TTLL11: variants seen among roughly 807,000 people sequenced by gnomAD.
TTLL11 encodes tubulin tyrosine ligase like 11, also known as tubulin polyglutamylase TTLL11.
A neutral mutation model predicts 51.7 loss-of-function variants in TTLL11; 42 were observed. That is an observed-to-expected ratio of 0.81 (90% CI 0.64 to 1.05). The LOEUF (loss-of-function observed/expected upper bound fraction) is 1.05. Among genes scored for constraint, TTLL11 ranks in the 50% least tolerant of loss-of-function variants. The pLI is 0.00. For missense variants in TTLL11, 799 were observed against 940.4 expected (o/e 0.85, Z 1.97); for synonymous variants, 381 against 383.5 (o/e 0.99, Z 0.08).
At chr9:121,852,377 G>A (rs1212183548) in intron 8 of TTLL11, among the ~76,000 whole-genome samples, 2 of 152,126 alleles carry the variant, frequency 1.3e-5, no homozygotes, top group Non-Finnish European at 1.5e-5. Flanking sequence ...AGGGCTTCCC[G>A]AGGGAAGGTA....
In TTLL11 at chr9:121,819,481, C is replaced by G. The variant is rs1037818340; in HGVS notation, c.*3106G>C. On this transcript the variant is annotated 3_prime_UTR_variant, in exon 9 of 9. Transcript: ENST00000321582. ...CCCCCCAAACTGAGCACAGGCTGAG[C>G]TTGATCTTCTTACCCGTTCATTCCA... 6.6e-6 allele frequency: 1 copy of G among 152,646 alleles called. No individual in the cohort carries two copies. Among genetic ancestry groups the G allele is most frequent in the Non-Finnish European group, 1.5e-5 (1 of 68,408 alleles). 9.5% of individuals were successfully genotyped at this position (152,646 alleles called of 1,614,324 possible).
At chr9:122,000,829 C>A (rs1443472469) in intron 3 of TTLL11, among the ~76,000 whole-genome samples, 2 of 152,152 alleles carry the variant, frequency 1.3e-5, no homozygotes, top group Non-Finnish European at 2.9e-5. Flanking sequence ...GCCCTGAATT[C>A]TTTCTTGCAC....
In TTLL11 at chr9:122,092,812, T is replaced by C. The variant is rs2131953450; in HGVS notation, c.337A>G (p.Lys113Glu). Reference sequence around the variant, plus strand: ...CCGGAACCGTGGCCCGAGCTCCGCTTGCAGCTTCGGCCCTTGTCCCGGGGC... The same window carrying C: ...CCGGAACCGTGGCCCGAGCTCCGCTCGCAGCTTCGGCCCTTGTCCCGGGGC... Reference protein sequence around the residue: ...GKPRDKGRSCKRSSGHGSGEN... With the variant: ...GKPRDKGRSCERSSGHGSGEN... The change falls in exon 1 of 9, where the codon AAG becomes GAG. Residue 113 changes from lysine to glutamate, a missense_variant. Lys to Glu is a moderately conservative substitution (Grantham distance 56). Coordinates refer to ENST00000321582, the MANE Select transcript of TTLL11 (RefSeq NM_001139442.2). The C allele has an allele frequency of 1.3e-6, 2 of 1,549,998 alleles. No homozygotes were observed. Among genetic ancestry groups the C allele is most frequent in the East Asian group, 4.8e-5 (2 of 41,674 alleles).
intron 4 of TTLL11, chr9:121,988,809 G>A (rs772698393): frequency 3.4e-5 from 10 of 290,710 alleles, no homozygotes; most frequent in Non-Finnish European, 5.7e-5. Context: ...TGTCTCAATA[G>A]AACCCAGGAC....
At chr9:122,010,243 G>T (rs1843758480) in intron 3 of TTLL11, among the ~76,000 whole-genome samples, 1 of 152,150 alleles carries the variant, frequency 6.6e-6, no homozygotes, top group Non-Finnish European at 1.5e-5. Flanking sequence ...TGTATTAAGT[G>T]AAAATGAAAA....
chr9:121,865,557 C>T (rs995115562), intron 7 of TTLL11, among the ~76,000 whole-genome samples: 6 of 152,068 alleles, frequency 3.9e-5, no homozygotes, highest in Admixed American at 6.5e-5. Context: ...AATTTTCCTT[C>T]GTGAATTACA....
intron 6 of TTLL11, among the ~76,000 whole-genome samples, chr9:121,930,317 C>A (rs1350449690): frequency 6.6e-6 from 1 of 152,190 alleles, no homozygotes; most frequent in African/African-American, 2.4e-5. Context: ...AGAAAAAGGC[C>A]TTCAATTCTT....
rs918030374 is a variant in TTLL11, at chr9:121,958,958, C to T, written c.1481+15051G>A. Among the ~76,000 whole-genome samples the T allele has an allele frequency of 8.8e-4, 115 of 130,098 alleles. 1 individual carries two copies. The highest frequency in any genetic ancestry group is 1.5e-3 in the Non-Finnish European group (88 of 59,330). 85.3% of individuals were successfully genotyped at this position (130,098 alleles called of 152,430 possible). On this transcript the variant is annotated intron_variant, in intron 6 of 8. Transcript: ENST00000321582. ...AATAGTCCTTAATCACTCCTTCTGC[C>T]AGGCATGGGCACCACTTTACAAGGG...
Position 121,822,069 on chromosome 9 carries a change from T to C in TTLL11, c.*518A>G, listed in dbSNP as rs573080471. 1 of 152,448 alleles carries C rather than the reference T, an allele frequency of 6.6e-6. No homozygotes were observed. Among genetic ancestry groups the C allele is most frequent in the South Asian group, 2.1e-4 (1 of 4,818 alleles). The allele number at this position is 152,448 out of a possible 1,614,324, so 9.4% of individuals were successfully genotyped here. A position where few individuals can be genotyped will look rare whatever the true frequency, so the allele number is the denominator to read the frequency against. On this transcript the variant is annotated 3_prime_UTR_variant, in exon 9 of 9. Transcript: ENST00000321582. The surrounding 1 kb of genome is among the most constrained non-coding windows in gnomAD (Gnocchi z 5.8). ...GGTTAATCTGTTCACTACACCCATGTAGCACATGACTGGGATGGGAGATTC... is the reference window on the plus strand; with the variant it reads ...GGTTAATCTGTTCACTACACCCATGCAGCACATGACTGGGATGGGAGATTC...
intron 6 of TTLL11, among the ~76,000 whole-genome samples, chr9:121,880,911 C>T (rs1489894823): frequency 6.6e-6 from 1 of 152,250 alleles, no homozygotes; most frequent in Non-Finnish European, 1.5e-5. Context: ...TCTGTCTCCA[C>T]AGCCCACGTG....
At chr9:121,865,113 A>G (rs1286199335) in intron 7 of TTLL11, among the ~76,000 whole-genome samples, 1 of 152,212 alleles carries the variant, frequency 6.6e-6, no homozygotes, top group African/African-American at 2.4e-5. Flanking sequence ...GGCATGCAAT[A>G]TTGCTGGAAA....
chr9:121,953,298 T>C (rs190929171), intron 6 of TTLL11, among the ~76,000 whole-genome samples: 127 of 152,132 alleles, frequency 8.3e-4, no homozygotes, highest in Middle Eastern at 3.4e-3. Context: ...TGGGGTACTA[T>C]ATAAGGTGGG....
chr9:121,872,933 CAG>C (rs1838408353), intron 6 of TTLL11, among the ~76,000 whole-genome samples: 11 of 152,290 alleles, frequency 7.2e-5, no homozygotes, highest in African/African-American at 2.6e-4. Flanking sequence ...GAACTTAAGA[CAG>C]TAAATATCAG....
intron 2 of TTLL11, 68 bp downstream of exon 2, chr9:122,039,204 T>C (rs1025205116): frequency 8.5e-6 from 11 of 1,287,404 alleles, no homozygotes; most frequent in South Asian, 4.9e-5. Flanking sequence ...TGTCATGTTT[T>C]AGTAGAAGAG....
At chr9:121,838,922 G>A (rs950072827) in intron 8 of TTLL11, among the ~76,000 whole-genome samples, 2 of 152,058 alleles carry the variant, frequency 1.3e-5, no homozygotes, top group Non-Finnish European at 2.9e-5. Context: ...GAGGGATCGA[G>A]CCCCGCCTCT....
chr9:121,918,238 C>T (rs1384553915), intron 6 of TTLL11, among the ~76,000 whole-genome samples: 1 of 152,136 alleles, frequency 6.6e-6, no homozygotes, highest in Non-Finnish European at 1.5e-5. Flanking sequence ...CATGAATGTG[C>T]AGAGTGAGAC....
chr9:121,830,517 CT>C (rs1387041522), intron 8 of TTLL11, among the ~76,000 whole-genome samples: 1 of 152,220 alleles, frequency 6.6e-6, no homozygotes, highest in Non-Finnish European at 1.5e-5. Flanking sequence ...CTGAGAGAAG[CT>C]TGACTTTGGG....
At chr9:121,957,566 C>T (rs185434746) in intron 6 of TTLL11, among the ~76,000 whole-genome samples, 9 of 152,296 alleles carry the variant, frequency 5.9e-5, no homozygotes, top group African/African-American at 1.7e-4. Flanking sequence ...TTGTGCCCTG[C>T]GTTTGAGAGG....
chr9:121,861,468 C>T (rs1280016603), intron 7 of TTLL11, among the ~76,000 whole-genome samples: 1 of 152,032 alleles, frequency 6.6e-6, no homozygotes, highest in African/African-American at 2.4e-5. Context: ...GTCTCGGTGT[C>T]CTCATCTATA....
Sources: gnomAD v4.1 joint callset for allele counts (sites outside exome capture counted in the v4.1 genomes callset) on GRCh38, gnomAD v4.1.1 for gene constraint, Gnocchi (gnomAD v3.1) non-coding constraint, MANE v1.5 for transcripts, NCBI Gene and HGNC (gene_info 2026-07-23, HGNC 2026-07-21) for gene names.